C3orf49: variants seen among roughly 807,000 people sequenced by gnomAD.
C3orf49 encodes the protein chromosome 3 open reading frame 49, also known as putative uncharacterized protein C3orf49.
Under a neutral mutation model 13.3 loss-of-function variants are expected in C3orf49, and 27 were observed. The ratio of observed to expected loss-of-function variants is 2.02; its 90% confidence interval spans 1.49 to 2.79. The LOEUF is 2.79. Ranked by LOEUF, C3orf49 falls within the 30% of genes most tolerant of loss-of-function variation. The pLI, the probability that C3orf49 is intolerant of heterozygous loss-of-function variation, is 0.00. For missense variants in C3orf49, 242 were observed against 134.2 expected, an observed-to-expected ratio of 1.80 and a Z score of -3.97; for synonymous variants, 87 against 47.6, an observed-to-expected ratio of 1.83 and a Z score of -3.40.
At chr3:63,807,742 A>T in the C3orf49 span, among the ~76,000 whole-genome samples, 2 of 151,258 alleles carry the variant, frequency 1.3e-5, no homozygotes, top group South Asian at 2.1e-4. Context: ...CTATAATCCC[A>T]GCTACTCGAG....
At chr3:63,786,255 T>C in the C3orf49 span, among the ~76,000 whole-genome samples, 1 of 152,132 alleles carries the variant, frequency 6.6e-6, no homozygotes, top group Non-Finnish European at 1.5e-5. Context: ...TAACTGATGA[T>C]GATGATGATG....
At chr3:63,801,549 A>G in the C3orf49 span, among the ~76,000 whole-genome samples, 1 of 152,330 alleles carries the variant, frequency 6.6e-6, no homozygotes, top group East Asian at 1.9e-4. Flanking sequence ...CAACACTGAG[A>G]AAGTTACTTC....
chr3:63,780,784 C>T, the C3orf49 span, among the ~76,000 whole-genome samples: 338 of 152,274 alleles, frequency 2.2e-3, no homozygotes, highest in Non-Finnish European at 3.6e-3. Flanking sequence ...GCATAAATGT[C>T]TTCTTTTGAG....
At chr3:63,835,401 T>G in intron 5 of C3orf49, 1 of 1,612,536 alleles carries the variant, frequency 6.2e-7, no homozygotes, top group Non-Finnish European at 8.5e-7. Context: ...CTGGAAATAA[T>G]AAAACAGTGT....
At chr3:63,819,724 G>C (rs918126575) in intron 1 of C3orf49, 128 bp downstream of exon 1, 6 of 597,144 alleles carry the variant, frequency 1.0e-5, no homozygotes, top group African/African-American at 1.9e-5. Context: ...TACTGCGTTG[G>C]ATCAAGAAAT....
upstream of C3orf49, among the ~76,000 whole-genome samples, chr3:63,815,152 C>T (rs1701309820): frequency 6.6e-6 from 1 of 152,178 alleles, no homozygotes; most frequent in Non-Finnish European, 1.5e-5. Context: ...ATGATCCAAT[C>T]ACTTCCCACC....
At chr3:63,789,453 T>C in the C3orf49 span, among the ~76,000 whole-genome samples, 1 of 152,142 alleles carries the variant, frequency 6.6e-6, no homozygotes, top group African/African-American at 2.4e-5. Context: ...TAGTGTAACT[T>C]TGAATCTTCA....
At chr3:63,788,261 A>C in the C3orf49 span, among the ~76,000 whole-genome samples, 3 of 152,210 alleles carry the variant, frequency 2.0e-5, no homozygotes, top group Non-Finnish European at 4.4e-5. Flanking sequence ...ATGTTAAGGA[A>C]GTGATCCAAG....
chr3:63,824,132 G>T (rs987441097), intron 2 of C3orf49, among the ~76,000 whole-genome samples: 5 of 152,052 alleles, frequency 3.3e-5, no homozygotes, highest in African/African-American at 7.2e-5. Context: ...TGCCTTGGAG[G>T]TTCCTTCCAG....
intron 5 of C3orf49, chr3:63,835,332 C>T: frequency 6.2e-7 from 1 of 1,613,500 alleles, no homozygotes; most frequent in Non-Finnish European, 8.5e-7. Context: ...ACCTTATCTT[C>T]AACACTTTCT....
chr3:63,804,091 G>A, the C3orf49 span, among the ~76,000 whole-genome samples: 1 of 152,136 alleles, frequency 6.6e-6, no homozygotes, highest in Non-Finnish European at 1.5e-5. Context: ...ACAGGAGGCG[G>A]AGCTCAGGAG....
intron 5 of C3orf49, chr3:63,839,655 C>T (rs941175487): frequency 1.9e-6 from 3 of 1,610,326 alleles, no homozygotes; most frequent in Non-Finnish European, 2.5e-6. Flanking sequence ...AAATGAAATA[C>T]CCCTCTTCCT....
chr3:63,806,964 T>A, the C3orf49 span, among the ~76,000 whole-genome samples: 1 of 152,088 alleles, frequency 6.6e-6, no homozygotes, highest in Non-Finnish European at 1.5e-5. Context: ...TTTTTTTTCT[T>A]TTTTTTAGAC....
At chr3:63,803,557 G>A in the C3orf49 span, among the ~76,000 whole-genome samples, 11 of 152,228 alleles carry the variant, frequency 7.2e-5, no homozygotes, top group East Asian at 1.9e-4. Flanking sequence ...TTATTACTCC[G>A]GCACAGCAAG....
intron 5 of C3orf49, among the ~76,000 whole-genome samples, chr3:63,843,832 C>T (rs561507809): frequency 2.5e-4 from 38 of 151,568 alleles, no homozygotes; most frequent in Non-Finnish European, 4.7e-4. Context: ...ACCCGGGAGG[C>T]GGAGCTTGCA....
rs1254756330 is a variant in C3orf49 at position 63,831,769 on chromosome 3, G to A, written c.774G>A (p.Gly258=). 7 of 703,002 alleles carry A rather than the reference G, an allele frequency of 1.0e-5. 1 individual carries two copies. The highest frequency in any genetic ancestry group is 4.4e-5 in the South Asian group (3 of 67,596). The allele number at this position is 703,002 out of a possible 1,614,324, so 43.5% of individuals were successfully genotyped here. ...HAELQQCEFL[G]DEILQSSKQF... is the part of the protein sequence containing the mutation. ...AGCTTCAACAGTGTGAGTTTCTGGG[G>A]GATGAAATTCTTCAGTCTTCTAAAC... Residue 258 remains glycine (G), a synonymous_variant, in exon 5 of 7, where the codon GGG becomes GGA. Coordinates refer to ENST00000295896, the MANE Select transcript of C3orf49 (RefSeq NM_001355236.2).
the C3orf49 span, among the ~76,000 whole-genome samples, chr3:63,788,264 G>A: frequency 7.5e-4 from 114 of 152,298 alleles, no homozygotes; most frequent in African/African-American, 2.6e-3. Context: ...TTAAGGAAGT[G>A]ATCCAAGAAT....
At chr3:63,794,955 T>A in the C3orf49 span, among the ~76,000 whole-genome samples, 2 of 152,188 alleles carry the variant, frequency 1.3e-5, no homozygotes, top group African/African-American at 2.4e-5. Context: ...TTTTCTGCCC[T>A]GCAGGTGGGA....
the C3orf49 span, among the ~76,000 whole-genome samples, chr3:63,809,154 AAT>A: frequency 6.6e-6 from 1 of 152,194 alleles, no homozygotes; most frequent in African/African-American, 2.4e-5. Context: ...CTGTTTAAGC[AAT>A]AGTCTGAAAA....
Sources: gnomAD v4.1 joint callset for allele counts (sites outside exome capture counted in the v4.1 genomes callset) on GRCh38, gnomAD v4.1.1 for gene constraint, MANE v1.5 for transcripts, NCBI Gene and HGNC (gene_info 2026-07-23, HGNC 2026-07-21) for gene names.